Variants in PIWIL4 observed in about 807,000 individuals in gnomAD.
PIWIL4 encodes the protein piwi-like protein 4.
In PIWIL4, 50 loss-of-function variants were observed where a neutral mutation model predicts 100.9. That is an observed-to-expected ratio of 0.50 (90% CI 0.39 to 0.63). PIWIL4 has a LOEUF of 0.63. Among genes scored for constraint, PIWIL4 ranks in the 20% least tolerant of loss-of-function variants. The pLI, the probability that PIWIL4 is intolerant of heterozygous loss-of-function variation, is 0.00. For synonymous variants in PIWIL4, 342 were observed against 367.5 expected, an observed-to-expected ratio of 0.93 and a Z score of 0.79; for missense variants, 887 against 1,043.3, an observed-to-expected ratio of 0.85 and a Z score of 2.06.
At chr11:94,592,415 T>C (rs1948498966) in intron 8 of PIWIL4, among the ~76,000 whole-genome samples, 2 of 152,230 alleles carry the variant, frequency 1.3e-5, no homozygotes, top group Admixed American at 1.3e-4. Flanking sequence ...TCTTTTATTT[T>C]CTTATCCACT....
intron 15 of PIWIL4, among the ~76,000 whole-genome samples, chr11:94,611,453 C>T (rs1948786380): frequency 6.6e-6 from 1 of 151,890 alleles, no homozygotes; most frequent in African/African-American, 2.4e-5. Context: ...TGTTGTGTTT[C>T]TATATTTCAA....
chr11:94,613,956 G>T (rs1591805044), intron 15 of PIWIL4, among the ~76,000 whole-genome samples: 1 of 152,112 alleles, frequency 6.6e-6, no homozygotes, highest in Admixed American at 6.5e-5. Flanking sequence ...TAGAGAGGGG[G>T]TTTCACTGTG....
intron 2 of PIWIL4, among the ~76,000 whole-genome samples, chr11:94,574,781 C>T (rs1027024606): frequency 3.9e-5 from 6 of 152,190 alleles, no homozygotes; most frequent in African/African-American, 1.2e-4. Flanking sequence ...GACATCTGGC[C>T]AAGATCTGTT....
At chr11:94,620,407 T>G (rs1423401683) in intron 19 of PIWIL4, among the ~76,000 whole-genome samples, 1 of 152,208 alleles carries the variant, frequency 6.6e-6, no homozygotes, top group African/African-American at 2.4e-5. Flanking sequence ...GTTATATACA[T>G]TATCTTATGC....
intron 15 of PIWIL4, among the ~76,000 whole-genome samples, chr11:94,615,971 C>G (rs1288539201): frequency 6.6e-6 from 1 of 152,174 alleles, no homozygotes; most frequent in African/African-American, 2.4e-5. Flanking sequence ...CCAAAAGGAT[C>G]ACCTATAGAA....
At chr11:94,589,629 T>C (rs1948455429) in intron 8 of PIWIL4, among the ~76,000 whole-genome samples, 1 of 152,172 alleles carries the variant, frequency 6.6e-6, no homozygotes, top group Non-Finnish European at 1.5e-5. Flanking sequence ...TCTGATGTAA[T>C]TGCCTCTTGT....
intron 3 of PIWIL4, among the ~76,000 whole-genome samples, chr11:94,575,888 C>T (rs1441343012): frequency 6.6e-6 from 1 of 152,138 alleles, no homozygotes; most frequent in African/African-American, 2.4e-5. Context: ...AGGTTGACTA[C>T]TCTTTATTTA....
intron 10 of PIWIL4, 23 bp from the exon 11 acceptor site, chr11:94,597,781 A>G (rs1300129773): frequency 6.5e-7 from 1 of 1,547,098 alleles, no homozygotes; most frequent in Non-Finnish European, 8.9e-7. Flanking sequence ...CTCTTTAATG[A>G]TTTAAAACAA....
At chr11:94,619,346 G>A (rs976717979) in intron 17 of PIWIL4, among the ~76,000 whole-genome samples, 30 of 152,180 alleles carry the variant, frequency 2.0e-4, no homozygotes, top group African/African-American at 6.8e-4. Context: ...GGAATAGGAA[G>A]AACTTGTGGT....
At chr11:94,591,985 G>T (rs1228297432) in intron 8 of PIWIL4, among the ~76,000 whole-genome samples, 1 of 152,202 alleles carries the variant, frequency 6.6e-6, no homozygotes, top group African/African-American at 2.4e-5. Flanking sequence ...CTTCCTGGAA[G>T]ATGCCTTTGT....
At chr11:94,585,931 T>C (rs1948393209) in intron 6 of PIWIL4, among the ~76,000 whole-genome samples, 1 of 152,196 alleles carries the variant, frequency 6.6e-6, no homozygotes, top group African/African-American at 2.4e-5. Context: ...AGAATCCTTA[T>C]GAACACCTGC....
chr11:94,598,257 T>A (rs1041319037), intron 11 of PIWIL4, among the ~76,000 whole-genome samples: 2 of 152,242 alleles, frequency 1.3e-5, no homozygotes, highest in African/African-American at 4.8e-5. Context: ...ACATTAGTTC[T>A]AATAGATTGT....
intron 3 of PIWIL4, among the ~76,000 whole-genome samples, chr11:94,576,514 C>T (rs1948239491): frequency 6.6e-6 from 1 of 152,152 alleles, no homozygotes; most frequent in Non-Finnish European, 1.5e-5. Flanking sequence ...TTGTACCCTC[C>T]TGGATTCTAC....
chr11:94,606,882 C>G (rs1052106857), intron 13 of PIWIL4, among the ~76,000 whole-genome samples: 3 of 151,508 alleles, frequency 2.0e-5, no homozygotes, highest in Admixed American at 6.6e-5. Flanking sequence ...ATCCACCCCC[C>G]ACTCATATCC....
intron 4 of PIWIL4, among the ~76,000 whole-genome samples, chr11:94,578,774 C>T (rs1260110834): frequency 6.6e-6 from 1 of 152,096 alleles, no homozygotes; most frequent in Non-Finnish European, 1.5e-5. Context: ...TATTTGGGTG[C>T]AAAATTTTTG....
At position 94,601,881 on chromosome 11, in the gene PIWIL4, T is replaced by C. The variant is rs1948646907; in HGVS notation, c.1467T>C (p.Ile489=). The C allele has an allele frequency of 6.2e-7, 1 of 1,614,052 alleles. No individual in the cohort carries two copies. Among genetic ancestry groups the C allele is most frequent in the African/African-American group, 1.3e-5 (1 of 74,936 alleles). Residue 489 remains isoleucine (I), a synonymous_variant, in exon 12 of 20, where the codon ATT becomes ATC. Coordinates refer to ENST00000299001, the MANE Select transcript of PIWIL4 (RefSeq NM_152431.3). ...CACAGTCTTTGAATACCTGGTTGAT[T>C]TTATGTAGCGACAGAACTGAATATG... ...LNAQSLNTWL[I]LCSDRTEYVA... is the part of the protein sequence containing the mutation.
chr11:94,601,744 T>C (rs1309295654), intron 11 of PIWIL4, 51 bp from the exon 12 acceptor site: 1 of 1,569,406 alleles, frequency 6.4e-7, no homozygotes, highest in Non-Finnish European at 8.7e-7. Flanking sequence ...TTTATTTAGC[T>C]GCTCTCTGAA....
intron 2 of PIWIL4, among the ~76,000 whole-genome samples, chr11:94,572,491 T>A (rs927647021): frequency 2.0e-5 from 3 of 152,226 alleles, no homozygotes; most frequent in Non-Finnish European, 4.4e-5. Flanking sequence ...GGATCCAGTT[T>A]CAGCTTTCTA....
In PIWIL4 at chr11:94,574,831, C is replaced by T. The variant is rs147893795; in HGVS notation, c.167-168C>T. ...GTTCTGTGTTTTCTTCACAATTTTC[C>T]GTTTTTAGGCTGAAGACTTCTGTAA... On this transcript the variant is annotated intron_variant, in intron 2 of 19. Coordinates refer to ENST00000299001, the MANE Select transcript of PIWIL4 (RefSeq NM_152431.3). 2.2e-4 allele frequency among the ~76,000 whole-genome samples: 34 copies of T among 152,312 alleles called. No homozygotes were observed. In the East Asian group the frequency reaches 4.8e-3, roughly 22 times the overall value.
Sources: allele counts gnomAD v4.1 joint callset (sites outside exome capture counted in the v4.1 genomes callset), GRCh38; gene constraint gnomAD v4.1.1; transcripts MANE v1.5; gene names NCBI Gene and HGNC (gene_info 2026-07-23, HGNC 2026-07-21).